The following TBC1D32 variants were observed in gnomAD, a reference collection of about 807,000 sequenced individuals.
TBC1D32 encodes the protein protein broad-minded.
A neutral mutation model predicts 170.3 loss-of-function variants in TBC1D32; 151 were observed. The ratio of observed to expected loss-of-function variants is 0.89; its 90% confidence interval spans 0.78 to 1.01. TBC1D32 has a LOEUF of 1.01. Ranked by LOEUF, TBC1D32 falls within the 50% of genes least tolerant of loss-of-function variation. The pLI, the probability that TBC1D32 is intolerant of heterozygous loss-of-function variation, is 0.00. For synonymous variants in TBC1D32, 498 were observed against 488.0 expected, an observed-to-expected ratio of 1.02 and a Z score of -0.27; for missense variants, 1,464 against 1,457.1, an observed-to-expected ratio of 1.00 and a Z score of -0.08.
At position 121,280,162 on chromosome 6, in the gene TBC1D32, T is replaced by C. The variant is rs115118585; in HGVS notation, c.1609-917A>G. Among the ~76,000 whole-genome samples the C allele has an allele frequency of 8.7e-3, 1,310 of 150,542 alleles. 16 individuals carry two copies. The highest frequency in any genetic ancestry group is 0.03 in the African/African-American group (1,245 of 41,106). On this transcript the variant is annotated intron_variant, in intron 14 of 31. Transcript: ENST00000398212. The stretch of plus-strand genomic sequence containing the variant: ...CACTTTTCCTATTAAATATCTTTCT[T>C]AAAACAACTTCTCTCCTTAGAATAC...
intron 15 of TBC1D32, among the ~76,000 whole-genome samples, chr6:121,257,593 G>GA (rs967938309): frequency 9.2e-5 from 14 of 152,072 alleles, no homozygotes; most frequent in African/African-American, 3.1e-4. Flanking sequence ...GAAAAGGCTG[G>GA]AAAAAAATGC....
At chr6:121,189,242 G>A (rs1273997584) in intron 22 of TBC1D32, among the ~76,000 whole-genome samples, 4 of 151,884 alleles carry the variant, frequency 2.6e-5, no homozygotes, top group Non-Finnish European at 5.9e-5. Flanking sequence ...AAATGGAAGC[G>A]TACTCAGGAA....
intron 26 of TBC1D32, among the ~76,000 whole-genome samples, chr6:121,116,879 T>C (rs945483667): frequency 8.5e-5 from 13 of 152,202 alleles, no homozygotes; most frequent in African/African-American, 3.1e-4. Flanking sequence ...AGACCCTCTC[T>C]AAAACTTTAT....
intron 21 of TBC1D32, among the ~76,000 whole-genome samples, chr6:121,215,326 AGTGCCTGCAGCT>A (rs1280498914): frequency 1.8e-4 from 28 of 152,200 alleles, no homozygotes; most frequent in Non-Finnish European, 4.4e-5. Flanking sequence ...CAGGCAGCTG[AGTGCCTGCAGCT>A]GTGCCTGGGA....
chr6:121,222,867 G>A (rs957182216), intron 21 of TBC1D32, among the ~76,000 whole-genome samples: 1 of 152,172 alleles, frequency 6.6e-6, no homozygotes, highest in African/African-American at 2.4e-5. Context: ...AGAAAACGCA[G>A]TGGACTCCGT....
chr6:121,219,414 C>T (rs142240513), intron 21 of TBC1D32, among the ~76,000 whole-genome samples: 2 of 151,832 alleles, frequency 1.3e-5, no homozygotes, highest in Non-Finnish European at 2.9e-5. Context: ...CAAATTTTTC[C>T]GTAAGTGGAA....
chr6:121,239,170 A>G lies in TBC1D32; in HGVS notation c.2264T>C (p.Ile755Thr), dbSNP rs749610893. 2.5e-6 allele frequency: 4 copies of G among 1,591,966 alleles called. No homozygotes were observed. The South Asian group carries it at 3.4e-5, about 13-fold the overall frequency. Residue 755 changes from isoleucine to threonine, a missense_variant, in exon 20 of 32, where the codon ATA becomes ACA. Ile to Thr is a moderately conservative substitution (Grantham distance 89). Transcript: ENST00000398212. Reference protein sequence around the residue: ...LKKSGFINELITELWSNLEYG... With the variant: ...LKKSGFINELTTELWSNLEYG... ...TTCCAGATTGGACCATAATTCAGTT[A>G]TAAGTTCATTAATAAACCCTAAAAA...
rs111686898 is a variant in TBC1D32, at chr6:121,200,586, G to A, written c.2570+4489C>T. On this transcript the variant is annotated intron_variant, in intron 22 of 31. Coordinates refer to ENST00000398212, the MANE Select transcript of TBC1D32 (RefSeq NM_152730.6). ...AAATGCTAACCAAATAACTCAAAAC[G>A]ATCTGGCAATGTGGTAGACACGAAA... Among the ~76,000 whole-genome samples, 498 of 151,630 alleles carry A rather than the reference G, an allele frequency of 3.3e-3. 33 individuals are homozygous for A. Among genetic ancestry groups the A allele is most frequent in the African/African-American group, 0.012 (483 of 40,962 alleles).
chr6:121,238,579 A>C (rs1432602667), intron 20 of TBC1D32, among the ~76,000 whole-genome samples: 3 of 152,156 alleles, frequency 2.0e-5, no homozygotes, highest in African/African-American at 7.2e-5. Flanking sequence ...AAGCCATTGA[A>C]TTATGATAGA....
At chr6:121,150,228 G>A (rs1217855357) in intron 24 of TBC1D32, among the ~76,000 whole-genome samples, 2 of 152,178 alleles carry the variant, frequency 1.3e-5, no homozygotes, top group Non-Finnish European at 2.9e-5. Flanking sequence ...ATGAAGGGGT[G>A]TTGCATTTTA....
intron 4 of TBC1D32, among the ~76,000 whole-genome samples, chr6:121,309,182 T>C (rs886912703): frequency 6.6e-6 from 1 of 152,210 alleles, no homozygotes; most frequent in Admixed American, 6.5e-5. Context: ...TATTGAGAGA[T>C]TTAAGATTAG....
chr6:121,257,494 G>T (rs4946552), intron 15 of TBC1D32, among the ~76,000 whole-genome samples: 4,979 of 152,064 alleles, frequency 0.033, 190 homozygotes, highest in East Asian at 0.12. Context: ...TCTGATTATA[G>T]CATTTAGTTT....
chr6:121,205,748 G>A lies in TBC1D32; in HGVS notation c.2482-585C>T, dbSNP rs138169189. Reference sequence around the variant, plus strand: ...GCCAATTAAATCACTATGTCTAGGGGTGGGAATCTGGCATCAATACTCTTT... The same window carrying A: ...GCCAATTAAATCACTATGTCTAGGGATGGGAATCTGGCATCAATACTCTTT... On this transcript the variant is annotated intron_variant, in intron 21 of 31. Coordinates refer to ENST00000398212, the MANE Select transcript of TBC1D32 (RefSeq NM_152730.6). Among the ~76,000 whole-genome samples the A allele has an allele frequency of 2.4e-4, 37 of 152,232 alleles. No individual in the cohort carries two copies. In the East Asian group the frequency reaches 3.3e-3, roughly 14 times the overall value.
rs146579016 is a variant in TBC1D32 at position 121,315,630 on chromosome 6, T to C, written c.495+1865A>G. Among the ~76,000 whole-genome samples the C allele has an allele frequency of 2.1e-3, 315 of 152,298 alleles. 1 individual carries two copies. The highest frequency in any genetic ancestry group is 7.3e-3 in the African/African-American group (303 of 41,564). On this transcript the variant is annotated intron_variant, in intron 3 of 31. Transcript: ENST00000398212. The stretch of plus-strand genomic sequence containing the variant: ...AACATCAGCATTGTTTACAATGTTA[T>C]TCATAGGAAAATTCAGACCTTTTTT...
chr6:121,181,561 G>C (rs749390903), intron 22 of TBC1D32, among the ~76,000 whole-genome samples: 1 of 151,984 alleles, frequency 6.6e-6, no homozygotes, highest in Non-Finnish European at 1.5e-5. Flanking sequence ...CCAGTCTCAG[G>C]TATTTCTTTG....
chr6:121,221,515 GA>G (rs1346246383), intron 21 of TBC1D32, among the ~76,000 whole-genome samples: 2 of 152,156 alleles, frequency 1.3e-5, no homozygotes, highest in African/African-American at 4.8e-5. Context: ...AAACCTTCTG[GA>G]AAGGATTCAC....
chr6:121,087,376 T>A (rs183147264), intron 31 of TBC1D32, among the ~76,000 whole-genome samples: 13 of 152,340 alleles, frequency 8.5e-5, no homozygotes, highest in Admixed American at 5.2e-4. Flanking sequence ...TAGTGACCTA[T>A]TAGAAATGTA....
chr6:121,235,526 G>A (rs888392242), intron 20 of TBC1D32, among the ~76,000 whole-genome samples: 3 of 152,178 alleles, frequency 2.0e-5, no homozygotes, highest in African/African-American at 4.8e-5. Context: ...CCAGGCAAGT[G>A]AGGAAAGCTG....
chr6:121,202,926 G>C (rs1791781572), intron 22 of TBC1D32, among the ~76,000 whole-genome samples: 1 of 151,350 alleles, frequency 6.6e-6, no homozygotes, highest in East Asian at 1.9e-4. Context: ...TAAATAAGTT[G>C]TACCAAGCAT....
Sources: gnomAD v4.1 joint callset for allele counts (sites outside exome capture counted in the v4.1 genomes callset) on GRCh38, gnomAD v4.1.1 for gene constraint, MANE v1.5 for transcripts, NCBI Gene and HGNC (gene_info 2026-07-23, HGNC 2026-07-21) for gene names.